ZNF430: variants seen among roughly 807,000 people sequenced by gnomAD.
The protein encoded by ZNF430 is zinc finger protein 430.
Under a neutral mutation model 56.7 loss-of-function variants are expected in ZNF430, and 35 were observed. The observed-to-expected ratio is 0.62, with a 90% CI of 0.47 to 0.82. ZNF430 has a LOEUF of 0.82. ZNF430 is among the 40% of genes least tolerant of loss of function. The pLI is 0.00. For synonymous variants in ZNF430, 212 were observed against 224.3 expected, an observed-to-expected ratio of 0.94 and a Z score of 0.49; for missense variants, 574 against 661.0, an observed-to-expected ratio of 0.87 and a Z score of 1.44.
chr19:21,053,877 TTA>T (rs1378666476), intron 4 of ZNF430, among the ~76,000 whole-genome samples: 1 of 152,192 alleles, frequency 6.6e-6, no homozygotes, highest in Admixed American at 6.5e-5. Flanking sequence ...TTTTTTGTTT[TTA>T]TGTTGATATA....
chr19:21,054,255 G>A (rs186993094), intron 4 of ZNF430, among the ~76,000 whole-genome samples: 1 of 152,034 alleles, frequency 6.6e-6, no homozygotes, highest in African/African-American at 2.4e-5. Context: ...TTTCTATGAT[G>A]ATGTGTTGTT....
At chr19:21,026,827 C>CTTTTTTTTTTTTTTTTT (rs747809260) in intron 2 of ZNF430, among the ~76,000 whole-genome samples, 726 of 68,724 alleles carry the variant, frequency 0.011, 88 homozygotes, top group South Asian at 0.018. Context: ...CTTTTCTTTT[C>CTTTTTTTTTTTTTTTTT]TTTTTTTTTT....
chr19:21,034,741 G>C (rs1423150602), intron 4 of ZNF430: 1 of 152,280 alleles, frequency 6.6e-6, no homozygotes. Context: ...GTTTCACCAT[G>C]TTGGGCAGGC....
intron 4 of ZNF430, among the ~76,000 whole-genome samples, chr19:21,043,518 AT>A (rs35708963): frequency 0.52 from 78,799 of 151,894 alleles, 23,747 homozygotes; most frequent in East Asian, 0.74. Context: ...TTTGGTTACT[AT>A]AGCCTTGTGG....
chr19:21,045,089 T>G (rs1163903813), intron 4 of ZNF430, among the ~76,000 whole-genome samples: 1 of 152,208 alleles, frequency 6.6e-6, no homozygotes, highest in Non-Finnish European at 1.5e-5. Flanking sequence ...TTCACTTGGA[T>G]TCTTCTTATG....
chr19:21,057,050 C>G lies in ZNF430; in HGVS notation c.742C>G (p.Leu248Val). Residue 248 changes from leucine (L) to valine (V), a missense_variant, in exon 5 of 5, where the codon CTT (leucine) becomes GTT (valine). Coordinates refer to ENST00000261560, the MANE Select transcript of ZNF430 (RefSeq NM_025189.4). ...TAAAGTCTTTAACTGGTTCTCAACC[C>G]TTACTAGACACAGAAGAATTCATAC... The part of the protein sequence containing the change: ...CGKVFNWFST[L>V]TRHRRIHTGE... The G allele has an allele frequency of 1.2e-6, 2 of 1,614,006 alleles. No individual in the cohort carries two copies. The highest frequency in any genetic ancestry group is 1.7e-6 in the Non-Finnish European group (2 of 1,179,968).
At chr19:21,053,609 G>A (rs1042898296) in intron 4 of ZNF430, 36 of 152,188 alleles carry the variant, frequency 2.4e-4, no homozygotes, top group Admixed American at 2.2e-3. Context: ...GGCCAGGCTG[G>A]TCTCAAACTC....
At chr19:21,024,873 G>A (rs1000526642) in intron 2 of ZNF430, among the ~76,000 whole-genome samples, 11 of 152,124 alleles carry the variant, frequency 7.2e-5, no homozygotes, top group African/African-American at 2.7e-4. Flanking sequence ...AAGTCAGCAT[G>A]TTCTTAGGAG....
Position 21,060,007 on chromosome 19 carries a change from A to G in ZNF430, c.*1986A>G, listed in dbSNP as rs1968442672. 6.6e-6 allele frequency: 1 copy of G among 152,128 alleles called. No individual in the cohort carries two copies. The highest frequency in any genetic ancestry group is 2.1e-4 in the South Asian group (1 of 4,826). The allele number at this position is 152,128 out of a possible 1,614,324, so 9.4% of individuals were successfully genotyped here. The stretch of plus-strand genomic sequence containing the variant: ...TGAAAATAAATTAGTATATTATTGT[A>G]CTAATTGTACTTTTGTATAATAAAA... On this transcript the variant is annotated 3_prime_UTR_variant, in exon 5 of 5. Transcript: ENST00000261560.
intron 1 of ZNF430, 97 bp downstream of exon 1, chr19:21,020,900 C>A: frequency 1.3e-6 from 2 of 1,524,256 alleles, no homozygotes; most frequent in Non-Finnish European, 1.8e-6. Context: ...CGGCAGTCAG[C>A]TGCACAATCT....
intron 4 of ZNF430, among the ~76,000 whole-genome samples, chr19:21,047,452 C>G (rs1035555158): frequency 6.6e-6 from 1 of 152,094 alleles, no homozygotes; most frequent in Non-Finnish European, 1.5e-5. Flanking sequence ...TTGGTTTATT[C>G]TTTTCATCTT....
At chr19:21,020,881 C>T (rs1376129799) in intron 1 of ZNF430, 78 bp downstream of exon 1, 2 of 1,592,686 alleles carry the variant, frequency 1.3e-6, no homozygotes, top group African/African-American at 1.3e-5. Context: ...TGGCGGGACT[C>T]AGGCCTCCCG....
At chr19:21,021,017 A>T (rs1392124729) in intron 1 of ZNF430, among the ~76,000 whole-genome samples, 2 of 152,278 alleles carry the variant, frequency 1.3e-5, no homozygotes, top group East Asian at 3.9e-4. Context: ...TTGCGCAGTG[A>T]CTGTGCCCTG....
rs940181034 is a variant in ZNF430, at chr19:21,020,951, A to T, written c.3+148A>T. 6.1e-6 allele frequency: 7 copies of T among 1,140,640 alleles called. No homozygotes were observed. In the Admixed American group the frequency reaches 1.1e-4, roughly 18 times the overall value. 70.7% of individuals were successfully genotyped at this position (1,140,640 alleles called of 1,614,324 possible). On this transcript the variant is annotated intron_variant, in intron 1 of 4. Transcript: ENST00000261560. ...GCCCAGCTGGGCCTCAGTCCCCATCAGCCTTAAGATGGCGGCTGCGCTGAC... is the reference window on the plus strand; with the variant it reads ...GCCCAGCTGGGCCTCAGTCCCCATCTGCCTTAAGATGGCGGCTGCGCTGAC...
At chr19:21,038,630 T>A (rs1178377542) in intron 4 of ZNF430, among the ~76,000 whole-genome samples, 2 of 152,172 alleles carry the variant, frequency 1.3e-5, no homozygotes, top group South Asian at 2.1e-4. Flanking sequence ...GGTTTCACAA[T>A]GTTGACCAGG....
At position 21,056,622 on chromosome 19, in the gene ZNF430, TTC is replaced by T; in HGVS notation, c.323-7_323-6del. 6.7e-7 allele frequency: 1 copy of T among 1,492,192 alleles called. No homozygotes were observed. The allele number at this position is 1,492,192 out of a possible 1,614,324, so 92.4% of individuals were successfully genotyped here. On this transcript the variant is annotated splice_region_variant and splice_polypyrimidine_tract_variant and intron_variant, in intron 4 of 4. Coordinates refer to ENST00000261560, the MANE Select transcript of ZNF430 (RefSeq NM_025189.4). ...AAATGGAGTAATTTGTTATTTTTAT[TTC>T]TTTCAGTTACATATTCTCATTTTGC...
At chr19:21,023,987 T>C (rs1327695918) in intron 2 of ZNF430, among the ~76,000 whole-genome samples, 1 of 152,234 alleles carries the variant, frequency 6.6e-6, no homozygotes, top group African/African-American at 2.4e-5. Context: ...GTATGAACAC[T>C]GTGACTAATT....
Position 21,059,951 on chromosome 19 carries a change from G to A in ZNF430, c.*1930G>A, listed in dbSNP as rs986086534. The A allele has an allele frequency of 1.2e-4, 18 of 151,980 alleles. No homozygotes were observed. The highest frequency in any genetic ancestry group is 2.4e-4 in the Non-Finnish European group (16 of 67,990). 9.4% of individuals were successfully genotyped at this position (151,980 alleles called of 1,614,324 possible). A position where few individuals can be genotyped will look rare whatever the true frequency, so the allele number is the denominator to read the frequency against. ...TGTTCAGAGTAATATTTTGCGTTGT[G>A]AGAACATTTTTAATTTTATTTAAAA... On this transcript the variant is annotated 3_prime_UTR_variant, in exon 5 of 5. Coordinates refer to ENST00000261560, the MANE Select transcript of ZNF430 (RefSeq NM_025189.4).
At chr19:21,036,781 GAC>G (rs1322489957) in intron 4 of ZNF430, 1 of 140,574 alleles carries the variant, frequency 7.1e-6, no homozygotes, top group East Asian at 2.2e-4. Flanking sequence ...CCAGCTTTTT[GAC>G]AGAGTGAGAC....
Sources: allele counts gnomAD v4.1 joint callset (sites outside exome capture counted in the v4.1 genomes callset), GRCh38; gene constraint gnomAD v4.1.1; transcripts MANE v1.5; gene names NCBI Gene and HGNC (gene_info 2026-07-23, HGNC 2026-07-21).